ST3GAL1: variants seen among roughly 807,000 people sequenced by gnomAD.
ST3GAL1 encodes the protein CMP-N-acetylneuraminate-beta-galactosamide-alpha-2,3-sialyltransferase 1.
A neutral mutation model predicts 34.1 loss-of-function variants in ST3GAL1; 16 were observed. That is an observed-to-expected ratio of 0.47 (90% CI 0.32 to 0.71). The LOEUF is 0.71. Ranked by LOEUF, ST3GAL1 falls within the 30% of genes least tolerant of loss-of-function variation. The pLI is 0.04. For missense variants in ST3GAL1, 353 were observed against 447.4 expected, an observed-to-expected ratio of 0.79 and a Z score of 1.90; for synonymous variants, 191 against 184.7, an observed-to-expected ratio of 1.03 and a Z score of -0.28.
rs1157363785 is a variant in ST3GAL1 at position 133,564,593 on chromosome 8, G to A, written c.-582+7100C>T. Among the ~76,000 whole-genome samples the A allele has an allele frequency of 5.3e-5, 8 of 150,432 alleles. 1 individual carries two copies. The East Asian group carries it at 1.6e-3, about 30-fold the overall frequency. On this transcript the variant is annotated intron_variant, in intron 1 of 9. Coordinates refer to ENST00000522652, the MANE Select transcript of ST3GAL1 (RefSeq NM_173344.3). ...TGAAACAAACATCGTCAGAATAACT[G>A]GAAGAAAGAAACTTTTAACCTACAA... is the stretch of plus-strand genomic sequence containing the variant.
intron 3 of ST3GAL1, among the ~76,000 whole-genome samples, chr8:133,486,285 C>T (rs1268214050): frequency 6.6e-6 from 1 of 152,236 alleles, no homozygotes; most frequent in East Asian, 1.9e-4. Flanking sequence ...CCAGCCTATC[C>T]CCACTCCATG....
At chr8:133,504,288 G>A (rs774292999) in intron 2 of ST3GAL1, among the ~76,000 whole-genome samples, 3 of 152,196 alleles carry the variant, frequency 2.0e-5, no homozygotes, top group East Asian at 1.9e-4. Flanking sequence ...TCATTCCATC[G>A]CTGGGCCTCC....
At position 133,536,331 on chromosome 8, in the gene ST3GAL1, G is replaced by A. The variant is rs117637937; in HGVS notation, c.-429+9443C>T. 3.9e-5 allele frequency among the ~76,000 whole-genome samples: 6 copies of A among 152,274 alleles called. No homozygotes were observed. In the East Asian group the frequency reaches 9.6e-4, roughly 24 times the overall value. On this transcript the variant is annotated intron_variant, in intron 2 of 9. Coordinates refer to ENST00000522652, the MANE Select transcript of ST3GAL1 (RefSeq NM_173344.3). ...CATTAAAAGGAGGAAGGACATATTC[G>A]GATGCCCTTCAGGAACAAAGATTAT...
intron 1 of ST3GAL1, among the ~76,000 whole-genome samples, chr8:133,568,828 A>T (rs1329370532): frequency 3.3e-5 from 5 of 151,972 alleles, no homozygotes; most frequent in Non-Finnish European, 5.9e-5. Context: ...GAGGGGAGAC[A>T]GAGATCTACC....
chr8:133,470,978 G>A (rs1563698365), intron 5 of ST3GAL1, among the ~76,000 whole-genome samples: 1 of 152,162 alleles, frequency 6.6e-6, no homozygotes, highest in Non-Finnish European at 1.5e-5. Flanking sequence ...CCCGTCCCGA[G>A]AGTGTTGGGA....
intron 1 of ST3GAL1, among the ~76,000 whole-genome samples, chr8:133,558,885 G>A (rs1563742846): frequency 1.3e-5 from 2 of 152,060 alleles, no homozygotes; most frequent in East Asian, 1.9e-4. Context: ...ACGGATTCCC[G>A]GCCGGGACCA....
At chr8:133,519,774 C>T (rs1011510069) in intron 2 of ST3GAL1, among the ~76,000 whole-genome samples, 5 of 98,614 alleles carry the variant, frequency 5.1e-5, no homozygotes, top group African/African-American at 1.5e-4. Flanking sequence ...AGTGAAACCC[C>T]ATGTCTACTA....
chr8:133,494,547 T>G (rs1392459614), intron 3 of ST3GAL1, among the ~76,000 whole-genome samples: 1 of 152,164 alleles, frequency 6.6e-6, no homozygotes, highest in African/African-American at 2.4e-5. Context: ...CCTGGCCTCT[T>G]CCATGCTATT....
intron 2 of ST3GAL1, among the ~76,000 whole-genome samples, chr8:133,520,569 T>C (rs990426278): frequency 1.3e-5 from 2 of 152,136 alleles, no homozygotes; most frequent in East Asian, 3.9e-4. Flanking sequence ...ATGAATCCCC[T>C]GCAGGGAAGC....
At chr8:133,525,742 G>A (rs2131035059) in intron 2 of ST3GAL1, among the ~76,000 whole-genome samples, 1 of 152,322 alleles carries the variant, frequency 6.6e-6, no homozygotes, top group Admixed American at 6.5e-5. Context: ...ACACCACCCA[G>A]AGTACATACA....
intron 4 of ST3GAL1, 48 bp downstream of exon 4, chr8:133,476,230 T>C (rs1043825772): frequency 5.1e-5 from 27 of 527,490 alleles, no homozygotes; most frequent in African/African-American, 7.6e-5. Flanking sequence ...GGCTGTGTGG[T>C]AGACCAACGC....
rs1338339349 is a variant in ST3GAL1, at chr8:133,455,441, T to C, written c.*4323A>G. 2 of 152,280 alleles carry C rather than the reference T, an allele frequency of 1.3e-5. No homozygotes were observed. Among genetic ancestry groups the C allele is most frequent in the African/African-American group, 4.8e-5 (2 of 41,452 alleles). 9.4% of individuals were successfully genotyped at this position (152,280 alleles called of 1,614,324 possible). A position where few individuals can be genotyped will look rare whatever the true frequency, so the allele number is the denominator to read the frequency against. On this transcript the variant is annotated 3_prime_UTR_variant, in exon 10 of 10. Transcript: ENST00000522652. Reference sequence around the variant, plus strand: ...TGCTGTCTTGCCTGTCTCTGCCTTTTCTTCTAAGTTTTCCTCCTTTTCTTT... The same window carrying C: ...TGCTGTCTTGCCTGTCTCTGCCTTTCCTTCTAAGTTTTCCTCCTTTTCTTT...
intron 1 of ST3GAL1, among the ~76,000 whole-genome samples, chr8:133,566,035 G>C (rs1205699244): frequency 2.6e-5 from 4 of 152,240 alleles, no homozygotes; most frequent in Admixed American, 1.3e-4. Context: ...AGGCCACATA[G>C]GAAGGGCTCC....
chr8:133,547,841 C>G (rs915310699), intron 1 of ST3GAL1, among the ~76,000 whole-genome samples: 2 of 152,070 alleles, frequency 1.3e-5, no homozygotes, highest in African/African-American at 4.8e-5. Context: ...AAGTTCAGCC[C>G]CTGTTGAGTT....
intron 2 of ST3GAL1, among the ~76,000 whole-genome samples, chr8:133,525,037 A>G (rs558002489): frequency 1.6e-3 from 250 of 152,340 alleles, no homozygotes; most frequent in African/African-American, 5.3e-3. Context: ...TTTGTGTTAC[A>G]GCTCTTTCAG....
At chr8:133,530,858 T>C (rs865952167) in intron 2 of ST3GAL1, among the ~76,000 whole-genome samples, 5 of 152,264 alleles carry the variant, frequency 3.3e-5, no homozygotes, top group Middle Eastern at 6.8e-3. Context: ...ATGTTCTCCA[T>C]CAGGCAGCTA....
At chr8:133,565,833 G>T (rs949406591) in intron 1 of ST3GAL1, among the ~76,000 whole-genome samples, 2 of 141,080 alleles carry the variant, frequency 1.4e-5, no homozygotes, top group Non-Finnish European at 2.9e-5. Context: ...GAGCAGATGG[G>T]CCAGGGCCAG....
At chr8:133,551,299 C>T (rs1301564983) in intron 1 of ST3GAL1, among the ~76,000 whole-genome samples, 1 of 151,988 alleles carries the variant, frequency 6.6e-6, no homozygotes, top group African/African-American at 2.4e-5. Flanking sequence ...GAAGCCCCGT[C>T]TCTACTAAAA....
intron 8 of ST3GAL1, among the ~76,000 whole-genome samples, chr8:133,463,112 G>A (rs1307513237): frequency 6.6e-6 from 1 of 152,242 alleles, no homozygotes; most frequent in Non-Finnish European, 1.5e-5. Flanking sequence ...GGGGTCCCCG[G>A]AGAATGTGTT....
Sources: allele counts gnomAD v4.1 joint callset (sites outside exome capture counted in the v4.1 genomes callset), GRCh38; gene constraint gnomAD v4.1.1; transcripts MANE v1.5; gene names NCBI Gene and HGNC (gene_info 2026-07-23, HGNC 2026-07-21).